DENND10: variants seen among roughly 807,000 people sequenced by gnomAD.
DENND10 encodes the protein DENN domain containing 10, also known as DENN domain-containing protein 10.
DENND10 carries 24 observed loss-of-function variants against 43.6 expected under a neutral mutation model. The ratio of observed to expected loss-of-function variants is 0.55; its 90% confidence interval spans 0.40 to 0.77. DENND10 has a LOEUF of 0.77. DENND10 is among the 30% of genes least tolerant of loss of function. The pLI, the probability that DENND10 is intolerant of heterozygous loss-of-function variation, is 0.00. For synonymous variants in DENND10, 125 were observed against 157.6 expected, an observed-to-expected ratio of 0.79 and a Z score of 1.55; for missense variants, 303 against 429.9, an observed-to-expected ratio of 0.70 and a Z score of 2.61.
intron 3 of DENND10, 109 bp from the exon 4 acceptor site, chr10:119,117,410 G>A: frequency 1.8e-6 from 2 of 1,140,452 alleles, no homozygotes; most frequent in Non-Finnish European, 2.5e-6. Flanking sequence ...AAGGGCAGTA[G>A]CAAGGTGGCC....
intron 4 of DENND10, among the ~76,000 whole-genome samples, 153 bp from the exon 5 acceptor site, chr10:119,120,188 C>T (rs1444268745): frequency 2.0e-5 from 3 of 151,138 alleles, no homozygotes; most frequent in Non-Finnish European, 2.9e-5. Context: ...GCAGAGGTTG[C>T]GGTGAGCAAC....
chr10:119,113,661 G>A (rs1480157148), intron 3 of DENND10, among the ~76,000 whole-genome samples: 2 of 144,564 alleles, frequency 1.4e-5, no homozygotes, highest in South Asian at 2.2e-4. Context: ...ATTTTTGTGC[G>A]TGAATGTATA....
chr10:119,131,654 G>A (rs1214124874), intron 7 of DENND10, among the ~76,000 whole-genome samples: 1 of 152,136 alleles, frequency 6.6e-6, no homozygotes, highest in South Asian at 2.1e-4. Flanking sequence ...TGTTAGATTC[G>A]ATTATGTGAG....
intron 8 of DENND10, among the ~76,000 whole-genome samples, chr10:119,135,471 G>A (rs76004768): frequency 6.6e-5 from 10 of 152,164 alleles, no homozygotes; most frequent in African/African-American, 2.2e-4. Context: ...TTTGTTGGGG[G>A]GGAGAAAAGG....
intron 3 of DENND10, among the ~76,000 whole-genome samples, chr10:119,115,264 T>TC (rs1845193473): frequency 6.6e-6 from 1 of 152,064 alleles, no homozygotes; most frequent in East Asian, 1.9e-4. Flanking sequence ...GAGAAGTTTT[T>TC]CTCCCTGTGT....
chr10:119,135,816 A>C (rs943724997), intron 8 of DENND10, among the ~76,000 whole-genome samples: 1 of 127,664 alleles, frequency 7.8e-6, no homozygotes. Context: ...AAAAAAAAAA[A>C]CCAAAACCAC....
chr10:119,119,475 C>T (rs1845458582), intron 4 of DENND10, among the ~76,000 whole-genome samples: 1 of 152,060 alleles, frequency 6.6e-6, no homozygotes, highest in Non-Finnish European at 1.5e-5. Flanking sequence ...TGGGGTTGCA[C>T]CATGGTGGCC....
At chr10:119,135,809 A>AAAAAAAAAAAAC (rs1564804519) in intron 8 of DENND10, among the ~76,000 whole-genome samples, 1 of 150,192 alleles carries the variant, frequency 6.7e-6, no homozygotes, top group African/African-American at 2.4e-5. Flanking sequence ...AAAAAAAAAA[A>AAAAAAAAAAAAC]AAAAAAACCA....
chr10:119,123,605 CTTT>C (rs372448900), intron 6 of DENND10, 36 bp downstream of exon 6: 6,774 of 1,023,562 alleles, frequency 6.6e-3, no homozygotes, highest in Middle Eastern at 0.011. Context: ...AACTGTTTCA[CTTT>C]TTTTTTTTTT....
At chr10:119,112,770 T>G (rs777321143) in intron 3 of DENND10, among the ~76,000 whole-genome samples, 7 of 151,950 alleles carry the variant, frequency 4.6e-5, no homozygotes, top group Non-Finnish European at 7.4e-5. Context: ...GCTGGGATTA[T>G]AGGCGTGATG....
chr10:119,132,130 C>T lies in DENND10; in HGVS notation c.803-385C>T, dbSNP rs1052444798. 3.3e-5 allele frequency among the ~76,000 whole-genome samples: 5 copies of T among 152,120 alleles called. No homozygotes were observed. The highest frequency in any genetic ancestry group is 1.9e-4 in the East Asian group (1 of 5,186). ...GGAAGCTCCTCTTTCACAATATTCCCGCCAAAAAGATACATTTCTTAACTG... is the reference window on the plus strand; with the variant it reads ...GGAAGCTCCTCTTTCACAATATTCCTGCCAAAAAGATACATTTCTTAACTG... On this transcript the variant is annotated intron_variant, in intron 7 of 8. Transcript: ENST00000361432. This position sits in a 1 kb window ranked among gnomAD's most constrained non-coding sequence, Gnocchi z 4.2.
At chr10:119,118,593 CT>C (rs1176981721) in intron 4 of DENND10, among the ~76,000 whole-genome samples, 3 of 152,210 alleles carry the variant, frequency 2.0e-5, no homozygotes, top group Admixed American at 2.0e-4. Context: ...CTCAGCATCC[CT>C]GTTGAGGTGG....
Position 119,115,382 on chromosome 10 carries a change from ATTTTTTT to A in DENND10, c.333-2120_333-2114del, listed in dbSNP as rs397845392. 1.0e-4 allele frequency among the ~76,000 whole-genome samples: 5 copies of A among 48,392 alleles called. 1 individual carries two copies. In the Admixed American group the frequency reaches 1.4e-3, roughly 14 times the overall value. The allele number at this position is 48,392 out of a possible 152,430, so 31.7% of individuals were successfully genotyped here. ...CGTCAAGTTGTGAATTGAATTGGTAATTTTTTTTTTTTTTTTTTTTTTTGAGACGGAG... is the reference window on the plus strand; with the variant it reads ...CGTCAAGTTGTGAATTGAATTGGTAATTTTTTTTTTTTTTTTGAGACGGAG... On this transcript the variant is annotated intron_variant, in intron 3 of 8. Coordinates refer to ENST00000361432, the MANE Select transcript of DENND10 (RefSeq NM_207009.4).
intron 1 of DENND10, 59 bp from the exon 2 acceptor site, chr10:119,107,909 A>G (rs1241959970): frequency 4.7e-6 from 7 of 1,492,470 alleles, no homozygotes; most frequent in Middle Eastern, 1.7e-4. Flanking sequence ...TGAGTAACCA[A>G]TCAATTCACT....
chr10:119,135,803 A>AAAAAT (rs1554883524), intron 8 of DENND10, among the ~76,000 whole-genome samples: 4 of 149,678 alleles, frequency 2.7e-5, no homozygotes, highest in African/African-American at 9.8e-5. Context: ...AAAAAAAAAA[A>AAAAAT]AAAAAAAAAA....
At chr10:119,118,434 CA>C (rs1204826400) in intron 4 of DENND10, among the ~76,000 whole-genome samples, 1 of 152,146 alleles carries the variant, frequency 6.6e-6, no homozygotes, top group Non-Finnish European at 1.5e-5. Flanking sequence ...CTGGAAAATC[CA>C]AAATGCAGAC....
chr10:119,135,930 G>A (rs996559043), intron 8 of DENND10, among the ~76,000 whole-genome samples: 18 of 151,638 alleles, frequency 1.2e-4, no homozygotes, highest in African/African-American at 4.4e-4. Flanking sequence ...AATCCCAGCA[G>A]TTTGGGAAGC....
At chr10:119,124,621 C>T (rs1156320956) in intron 6 of DENND10, among the ~76,000 whole-genome samples, 4 of 152,028 alleles carry the variant, frequency 2.6e-5, no homozygotes, top group Non-Finnish European at 5.9e-5. Context: ...CGAACTCAAG[C>T]GATCTGCCCA....
rs766614927 is a variant in DENND10 at position 119,120,435 on chromosome 10, G to T, written c.576G>T (p.Ala192=). 4.4e-6 allele frequency: 7 copies of T among 1,606,806 alleles called. No homozygotes were observed. Among genetic ancestry groups the T allele is most frequent in the Non-Finnish European group, 6.0e-6 (7 of 1,173,486 alleles). The change falls in exon 5 of 9, where the codon GCG becomes GCT. Residue 192 remains alanine (A), a synonymous_variant. Coordinates refer to ENST00000361432, the MANE Select transcript of DENND10 (RefSeq NM_207009.4). ...RIVVYHPKIE[A]VQEFTRTLPA... ...TGGTGTATCACCCCAAGATAGAAGCGGTCCAGGAGTTCACCAGGTATCACC... is the reference window on the plus strand; with the variant it reads ...TGGTGTATCACCCCAAGATAGAAGCTGTCCAGGAGTTCACCAGGTATCACC...
Sources: allele counts gnomAD v4.1 joint callset (sites outside exome capture counted in the v4.1 genomes callset), GRCh38; gene constraint gnomAD v4.1.1; non-coding constraint Gnocchi (gnomAD v3.1); transcripts MANE v1.5; gene names NCBI Gene and HGNC (gene_info 2026-07-23, HGNC 2026-07-21).